The following BIRC6 variants were observed in gnomAD, a reference collection of about 807,000 sequenced individuals.
The protein encoded by BIRC6 is dual E2 ubiquitin-conjugating enzyme/E3 ubiquitin-protein ligase BIRC6.
Under a neutral mutation model 503.3 loss-of-function variants are expected in BIRC6, and 98 were observed. The observed-to-expected ratio is 0.19, with a 90% CI of 0.17 to 0.23. BIRC6 has a LOEUF of 0.23. BIRC6 is among the 10% of genes least tolerant of loss of function. The probability of loss-of-function intolerance (pLI) is 1.00; values close to 1 mark genes in which losing one functional copy is unlikely to be tolerated. For missense variants in BIRC6, 5,360 were observed against 5,806.0 expected (o/e 0.92, Z 2.50); for synonymous variants, 2,240 against 2,078.7 (o/e 1.08, Z -2.11).
rs114179276 is a variant in BIRC6, at chr2:32,494,146, A to G, written c.8468+479A>G. 8.5e-3 allele frequency among the ~76,000 whole-genome samples: 1,302 copies of G among 152,300 alleles called. 9 individuals are homozygous for G. Among genetic ancestry groups the G allele is most frequent in the Non-Finnish European group, 0.014 (979 of 68,018 alleles). Reference sequence around the variant, plus strand: ...CATAATGGGTTGATTATTATAATGCATGAATGCTTCAATATCATATATCTC... The same window carrying G: ...CATAATGGGTTGATTATTATAATGCGTGAATGCTTCAATATCATATATCTC... On this transcript the variant is annotated intron_variant, in intron 45 of 73. Coordinates refer to ENST00000421745, the MANE Select transcript of BIRC6 (RefSeq NM_016252.4).
intron 15 of BIRC6, among the ~76,000 whole-genome samples, chr2:32,436,942 G>A (rs1335736764): frequency 7.4e-6 from 1 of 134,934 alleles, no homozygotes. Flanking sequence ...AGGTTGGAGT[G>A]CAGTTCTGTT....
chr2:32,416,213 G>C (rs768974554), intron 10 of BIRC6, 50 bp downstream of exon 10: 1 of 1,492,802 alleles, frequency 6.7e-7, no homozygotes, highest in Non-Finnish European at 9.0e-7. Context: ...TGTATATATG[G>C]CATTTGTTTA....
chr2:32,442,258 G>C (rs1258410403), intron 18 of BIRC6, 32 bp downstream of exon 18: 2 of 1,605,044 alleles, frequency 1.2e-6, no homozygotes, highest in Non-Finnish European at 1.7e-6. Context: ...TACCACTGTT[G>C]ATTGCCTTTT....
chr2:32,466,503 C>G (rs982596028), intron 26 of BIRC6, among the ~76,000 whole-genome samples: 1 of 152,148 alleles, frequency 6.6e-6, no homozygotes, highest in Admixed American at 6.5e-5. Flanking sequence ...GTCCTGCTTT[C>G]ACTTTGGATC....
intron 1 of BIRC6, among the ~76,000 whole-genome samples, chr2:32,363,340 A>G (rs985002915): frequency 1.3e-5 from 2 of 152,290 alleles, no homozygotes; most frequent in African/African-American, 4.8e-5. Flanking sequence ...AAACAAAAAC[A>G]AGAAAACCTT....
chr2:32,543,863 A>G (rs1330168115), intron 62 of BIRC6, among the ~76,000 whole-genome samples: 4 of 152,230 alleles, frequency 2.6e-5, no homozygotes, highest in Non-Finnish European at 5.9e-5. Context: ...AGGGATGTAC[A>G]TAAACATGTA....
intron 67 of BIRC6, chr2:32,594,291 A>G: frequency 2.7e-6 from 1 of 366,768 alleles, no homozygotes; most frequent in East Asian, 4.4e-5. Flanking sequence ...TAGGCTGAGA[A>G]CATACATTAT....
In BIRC6 at chr2:32,503,081, C is replaced by T; in HGVS notation, c.9344C>T (p.Thr3115Ile). The change falls in exon 49 of 74, where the codon ACA (threonine) becomes ATA (isoleucine). Residue 3115 changes from threonine (T) to isoleucine (I), a missense_variant. Physicochemically the swap from Thr to Ile is moderately conservative, Grantham distance 89. This residue lies in a region of BIRC6 where 267 missense variants were observed against 287.6 expected (regional missense o/e 0.93). Coordinates refer to ENST00000421745, the MANE Select transcript of BIRC6 (RefSeq NM_016252.4). ...QLICNNMVTSTRAIVNTARSM... is the reference protein window; with the variant it reads ...QLICNNMVTSIRAIVNTARSM... ...ATATGCAATAATATGGTTACTAGTA[C>T]AAGGGCTATTGTGAACACTGCAAGA... The T allele has an allele frequency of 6.2e-7, 1 of 1,608,364 alleles. No individual in the cohort carries two copies. The highest frequency in any genetic ancestry group is 8.5e-7 in the Non-Finnish European group (1 of 1,177,190).
intron 38 of BIRC6, among the ~76,000 whole-genome samples, chr2:32,482,059 G>T (rs1294947501): frequency 6.6e-6 from 1 of 152,132 alleles, no homozygotes; most frequent in Non-Finnish European, 1.5e-5. Context: ...CAACATTTCA[G>T]ACAGCCATCT....
chr2:32,407,592 T>G (rs117939731), intron 9 of BIRC6, among the ~76,000 whole-genome samples: 1 of 152,176 alleles, frequency 6.6e-6, no homozygotes, highest in South Asian at 2.1e-4. Context: ...TGGACATATA[T>G]AACTTAAATC....
At chr2:32,454,702 G>A (rs1049066114) in intron 23 of BIRC6, among the ~76,000 whole-genome samples, 2 of 152,098 alleles carry the variant, frequency 1.3e-5, no homozygotes, top group Non-Finnish European at 2.9e-5. Flanking sequence ...AAGCAAAAAC[G>A]GTTTGCTAGA....
chr2:32,568,259 G>C (rs1054824033), intron 65 of BIRC6, among the ~76,000 whole-genome samples: 2 of 150,572 alleles, frequency 1.3e-5, no homozygotes, highest in African/African-American at 4.9e-5. Flanking sequence ...AGGAGGCCAA[G>C]GCAGGTAGAT....
chr2:32,445,720 G>A (rs1212161018), intron 21 of BIRC6, 52 bp downstream of exon 21: 6 of 1,293,694 alleles, frequency 4.6e-6, no homozygotes, highest in Middle Eastern at 4.0e-4. Flanking sequence ...GTATGATCAC[G>A]CTTTTGCAGA....
chr2:32,446,754 T>TTA (rs2046000705), intron 21 of BIRC6, among the ~76,000 whole-genome samples: 2 of 134,642 alleles, frequency 1.5e-5, no homozygotes, highest in South Asian at 5.2e-4. Context: ...TTTTTTTTTT[T>TTA]TTTTTTTTTT....
intron 70 of BIRC6, among the ~76,000 whole-genome samples, chr2:32,600,689 G>A (rs532734737): frequency 1.3e-5 from 2 of 152,288 alleles, no homozygotes; most frequent in Non-Finnish European, 2.9e-5. Context: ...TCAAGGCTTC[G>A]TTGCATAGAG....
intron 64 of BIRC6, 90 bp from the exon 65 acceptor site, chr2:32,549,223 C>T (rs964492370): frequency 7.0e-6 from 6 of 860,694 alleles, no homozygotes; most frequent in South Asian, 3.6e-5. Flanking sequence ...AAAATATGTA[C>T]TCTTAGTATT....
intron 8 of BIRC6, among the ~76,000 whole-genome samples, chr2:32,406,206 A>G (rs1400574507): frequency 1.3e-5 from 2 of 152,168 alleles, no homozygotes; most frequent in Non-Finnish European, 1.5e-5. Flanking sequence ...AGCCTGGGCA[A>G]CATGGTGAGA....
chr2:32,425,979 C>A (rs925321702), intron 10 of BIRC6, among the ~76,000 whole-genome samples: 1 of 152,202 alleles, frequency 6.6e-6, no homozygotes, highest in Non-Finnish European at 1.5e-5. Context: ...CACCCTCTTA[C>A]CAGAAATCAG....
intron 66 of BIRC6, among the ~76,000 whole-genome samples, chr2:32,579,392 C>T (rs1221339999): frequency 6.6e-6 from 1 of 151,884 alleles, no homozygotes; most frequent in East Asian, 1.9e-4. Flanking sequence ...AAAACCCTTA[C>T]AAGAGGAGAT....
Sources: allele counts gnomAD v4.1 joint callset (sites outside exome capture counted in the v4.1 genomes callset), GRCh38; gene constraint gnomAD v4.1.1; regional missense constraint gnomAD v4.1.1; transcripts MANE v1.5; gene names NCBI Gene and HGNC (gene_info 2026-07-23, HGNC 2026-07-21).